The following TFDP2 variants were observed in gnomAD, a reference collection of about 807,000 sequenced individuals.
The protein encoded by TFDP2 is transcription factor Dp-2, also known as transcription factor Dp-2 (E2F dimerization partner 2).
A neutral mutation model predicts 59.3 loss-of-function variants in TFDP2; 17 were observed. That is an observed-to-expected ratio of 0.29 (90% CI 0.20 to 0.43). The LOEUF (loss-of-function observed/expected upper bound fraction) is 0.43, where lower values mean the gene tolerates loss of function less well. TFDP2 is among the 20% of genes least tolerant of loss of function. The pLI is 1.00. For missense variants in TFDP2, 391 were observed against 528.8 expected (o/e 0.74, Z 2.56); for synonymous variants, 180 against 194.7 (o/e 0.92, Z 0.63).
At chr3:141,972,286 T>A (rs1012001489) in intron 8 of TFDP2, among the ~76,000 whole-genome samples, 8 of 152,078 alleles carry the variant, frequency 5.3e-5, no homozygotes, top group Non-Finnish European at 1.2e-4. Flanking sequence ...ACCTCTCCAA[T>A]CTCATGGCCG....
chr3:141,993,199 C>CAAAA (rs71856030), intron 6 of TFDP2, among the ~76,000 whole-genome samples: 2 of 144,062 alleles, frequency 1.4e-5, no homozygotes, highest in Non-Finnish European at 3.0e-5. Context: ...GACTTCATCT[C>CAAAA]AAAAAAAAGA....
intron 3 of TFDP2, among the ~76,000 whole-genome samples, chr3:142,083,284 C>T (rs914378378): frequency 6.6e-6 from 1 of 151,818 alleles, no homozygotes; most frequent in Non-Finnish European, 1.5e-5. Context: ...AATTAAATAC[C>T]TAGGAATTAG....
chr3:142,008,371 T>C (rs1944383990), intron 3 of TFDP2, among the ~76,000 whole-genome samples: 1 of 152,024 alleles, frequency 6.6e-6, no homozygotes, highest in Admixed American at 6.6e-5. Flanking sequence ...TCCACAACAC[T>C]TCCTAAATGC....
intron 9 of TFDP2, among the ~76,000 whole-genome samples, chr3:141,967,288 G>GTTT (rs200530270): frequency 1.4e-5 from 2 of 145,314 alleles, no homozygotes; most frequent in Admixed American, 7.0e-5. Flanking sequence ...GAGGAAATAA[G>GTTT]TTTTTTGTTT....
intron 3 of TFDP2, among the ~76,000 whole-genome samples, chr3:142,029,412 G>A (rs147180401): frequency 6.6e-6 from 1 of 151,930 alleles, no homozygotes; most frequent in Non-Finnish European, 1.5e-5. Flanking sequence ...TATAGCTAGG[G>A]TTAAGTACCT....
chr3:141,986,406 A>G lies in TFDP2; in HGVS notation c.356+7132T>C, dbSNP rs577335887. Among the ~76,000 whole-genome samples, 6 of 152,362 alleles carry G rather than the reference A, an allele frequency of 3.9e-5. No homozygotes were observed. The South Asian group carries it at 1.2e-3, about 32-fold the overall frequency. On this transcript the variant is annotated intron_variant, in intron 6 of 12. Coordinates refer to ENST00000489671, the MANE Select transcript of TFDP2 (RefSeq NM_001178139.2). ...TATCTGTTACCATGACTTCTATTAT[A>G]GTTTTCCCTATTTTGAACTTTAAAT...
At chr3:141,975,060 C>A (rs1297790800) in intron 7 of TFDP2, among the ~76,000 whole-genome samples, 1 of 151,858 alleles carries the variant, frequency 6.6e-6, no homozygotes, top group Non-Finnish European at 1.5e-5. Context: ...ACTATAGATG[C>A]ACATCACCAC....
intron 6 of TFDP2, among the ~76,000 whole-genome samples, chr3:141,992,041 CAAAA>C (rs563215187): frequency 2.3e-5 from 1 of 44,156 alleles, no homozygotes. Flanking sequence ...GACTCCATCT[CAAAA>C]AAAAAAAAAA....
chr3:142,038,584 T>C (rs953461449), intron 3 of TFDP2, among the ~76,000 whole-genome samples: 4 of 152,092 alleles, frequency 2.6e-5, no homozygotes, highest in African/African-American at 7.2e-5. Flanking sequence ...TTTTATATAA[T>C]GTCCAAAATA....
intron 6 of TFDP2, among the ~76,000 whole-genome samples, chr3:141,980,998 T>G (rs1941429233): frequency 6.6e-6 from 1 of 152,164 alleles, no homozygotes; most frequent in Non-Finnish European, 1.5e-5. Flanking sequence ...AAGTATACAG[T>G]GATTATAAAG....
chr3:142,073,741 T>C (rs541481213), intron 3 of TFDP2, among the ~76,000 whole-genome samples: 8 of 152,314 alleles, frequency 5.3e-5, no homozygotes, highest in African/African-American at 1.9e-4. Flanking sequence ...TAGGTTTTAG[T>C]ATATTTACAA....
chr3:142,080,212 G>A (rs531915500), intron 3 of TFDP2, among the ~76,000 whole-genome samples: 18 of 152,192 alleles, frequency 1.2e-4, no homozygotes, highest in African/African-American at 4.3e-4. Context: ...TGATCTGCCC[G>A]CCTCAGCCTC....
intron 3 of TFDP2, among the ~76,000 whole-genome samples, chr3:142,081,640 A>C (rs1159570016): frequency 1.3e-5 from 2 of 152,208 alleles, no homozygotes; most frequent in East Asian, 3.8e-4. Flanking sequence ...GAGACAAAAA[A>C]GGAGACATTA....
intron 1 of TFDP2, among the ~76,000 whole-genome samples, chr3:142,126,705 G>C (rs2062266568): frequency 6.6e-6 from 1 of 151,962 alleles, no homozygotes; most frequent in African/African-American, 2.4e-5. Flanking sequence ...CCAGCATTTT[G>C]GGAGGCTGAG....
intron 3 of TFDP2, among the ~76,000 whole-genome samples, chr3:142,072,189 G>A (rs962984440): frequency 1.3e-5 from 2 of 152,186 alleles, no homozygotes; most frequent in Non-Finnish European, 2.9e-5. Context: ...TATGTGCTAC[G>A]CATAACTTAC....
At chr3:142,102,085 G>T (rs1169132835) in intron 1 of TFDP2, among the ~76,000 whole-genome samples, 1 of 152,196 alleles carries the variant, frequency 6.6e-6, no homozygotes, top group Non-Finnish European at 1.5e-5. Context: ...CTTTGAAATG[G>T]TATTAGGCTA....
intron 1 of TFDP2, among the ~76,000 whole-genome samples, chr3:142,125,327 T>C (rs2062194718): frequency 6.6e-6 from 1 of 152,174 alleles, no homozygotes; most frequent in Non-Finnish European, 1.5e-5. Flanking sequence ...TACCAATACA[T>C]TGTCCTGAGA....
At chr3:142,031,065 A>G (rs1946408991) in intron 3 of TFDP2, among the ~76,000 whole-genome samples, 1 of 152,132 alleles carries the variant, frequency 6.6e-6, no homozygotes, top group Admixed American at 6.5e-5. Flanking sequence ...TCTAAATAGG[A>G]GAGCACCCCC....
chr3:142,063,710 T>C lies in TFDP2; in HGVS notation c.82+29351A>G, dbSNP rs540469586. Among the ~76,000 whole-genome samples the C allele has an allele frequency of 3.3e-5, 5 of 152,324 alleles. No individual in the cohort carries two copies. The East Asian group carries it at 7.7e-4, about 23-fold the overall frequency. ...ATAACTTTATTTCTTTCTTTACTAG[T>C]CTTTTATTTTAGACAGTGCTCCTTA... On this transcript the variant is annotated intron_variant, in intron 3 of 12. Transcript: ENST00000489671.
Sources: allele counts gnomAD v4.1 joint callset (sites outside exome capture counted in the v4.1 genomes callset), GRCh38; gene constraint gnomAD v4.1.1; transcripts MANE v1.5; gene names NCBI Gene and HGNC (gene_info 2026-07-23, HGNC 2026-07-21).